USP4: variants seen among roughly 807,000 people sequenced by gnomAD.
USP4 encodes ubiquitin specific peptidase 4, also known as ubiquitin carboxyl-terminal hydrolase 4.
A neutral mutation model predicts 118.2 loss-of-function variants in USP4; 72 were observed. The ratio of observed to expected loss-of-function variants is 0.61; its 90% CI spans 0.50 to 0.74. The LOEUF (loss-of-function observed/expected upper bound fraction) is 0.74, where lower values mean the gene tolerates loss of function less well. USP4 is among the 30% of genes least tolerant of loss of function. USP4 has a pLI of 0.00. For missense variants in USP4, 1,037 were observed against 1,185.7 expected (o/e 0.87, Z 1.84); for synonymous variants, 415 against 440.4 (o/e 0.94, Z 0.72).
intron 1 of USP4, among the ~76,000 whole-genome samples, chr3:49,337,902 G>A (rs545518526): frequency 2.0e-5 from 3 of 151,564 alleles, no homozygotes; most frequent in East Asian, 2.0e-4. Flanking sequence ...AAACATTAGC[G>A]GGGCATGGTG....
intron 6 of USP4, chr3:49,317,146 T>A: frequency 7.0e-7 from 1 of 1,419,290 alleles, no homozygotes; most frequent in South Asian, 1.2e-5. Flanking sequence ...GTTCCCAGCT[T>A]CCCTCTTCAG....
Position 49,296,064 on chromosome 3 carries a change from G to C in USP4, c.1692-1466C>G, listed in dbSNP as rs541146026. Among the ~76,000 whole-genome samples the C allele has an allele frequency of 4.6e-5, 7 of 152,280 alleles. No homozygotes were observed. In the South Asian group the frequency reaches 1.4e-3, roughly 32 times the overall value. On this transcript the variant is annotated intron_variant, in intron 13 of 21. Transcript: ENST00000265560. ...TAGCAGATGCAGGCCGGGCACAGTGGCTCACACCTGTAATCCCAGCACTTT... is the reference window on the plus strand; with the variant it reads ...TAGCAGATGCAGGCCGGGCACAGTGCCTCACACCTGTAATCCCAGCACTTT...
rs1012632182 is a variant in USP4 at position 49,286,282 on chromosome 3, C to T, written c.2016G>A (p.Glu672=). The T allele has an allele frequency of 4.3e-6, 7 of 1,614,146 alleles. No individual in the cohort carries two copies. The highest frequency in any genetic ancestry group is 5.9e-6 in the Non-Finnish European group (7 of 1,180,028). The change falls in exon 16 of 22, where the codon GAG becomes GAA. Residue 672 remains glutamate (E), a synonymous_variant. Transcript: ENST00000265560. The part of the protein sequence containing the change: ...EEMEHQEEGK[E]QLSETEGSGE... ...CACTGCCTTCTGTTTCTGAAAGCTG[C>T]TCTTTGCCTTCTTCCTGATGCTCCA... is the stretch of plus-strand genomic sequence containing the variant.
chr3:49,309,335 G>A lies in USP4; in HGVS notation c.954+1285C>T, dbSNP rs376340813. Among the ~76,000 whole-genome samples the A allele has an allele frequency of 2.6e-5, 4 of 152,202 alleles. No individual in the cohort carries two copies. The South Asian group carries it at 8.3e-4, about 32-fold the overall frequency. ...ACTGTGCCCTCCTAACTTTGAAGCT[G>A]GACTTTAACTCCTTGCAGCCCATGA... is the stretch of plus-strand genomic sequence containing the variant. On this transcript the variant is annotated intron_variant, in intron 8 of 21. Transcript: ENST00000265560.
At chr3:49,284,985 AG>A in intron 16 of USP4, 66 bp from the exon 17 acceptor site, 1 of 1,259,498 alleles carries the variant, frequency 7.9e-7, no homozygotes, top group Non-Finnish European at 1.1e-6. Context: ...TCCAAGTGAC[AG>A]GAGTGAGAAG....
At position 49,312,765 on chromosome 3, in the gene USP4, G is replaced by C. The variant is rs569182308; in HGVS notation, c.696-1111C>G. On this transcript the variant is annotated intron_variant, in intron 6 of 21. Transcript: ENST00000265560. ...GCCGAGATCGTGCCACTGCACTCCA[G>C]CCTAGGTGACAGAGTGAGACTCTGT... The C allele has an allele frequency of 1.1e-3, 240 of 210,576 alleles. 3 individuals are homozygous for C. The highest frequency in any genetic ancestry group is 4.8e-3 in the African/African-American group (202 of 42,064). The allele number at this position is 210,576 out of a possible 1,614,324, so 13.0% of individuals were successfully genotyped here.
At chr3:49,330,132 C>T (rs923412695) in intron 2 of USP4, among the ~76,000 whole-genome samples, 3 of 151,856 alleles carry the variant, frequency 2.0e-5, no homozygotes, top group African/African-American at 4.8e-5. Context: ...GACTGAGCCA[C>T]TGCACTCCAG....
chr3:49,286,219 G>C lies in USP4; in HGVS notation c.2079C>G (p.Thr693=), dbSNP rs2047089480. 1 of 1,613,920 alleles carries C rather than the reference G, an allele frequency of 6.2e-7. No individual in the cohort carries two copies. Among genetic ancestry groups the C allele is most frequent in the Admixed American group, 1.7e-5 (1 of 59,966 alleles). Residue 693 remains threonine, a synonymous_variant, in exon 16 of 22, where the codon ACC becomes ACG. Transcript: ENST00000265560. ...DEPGNDPSET[T]QKKIKGQPCP... ...AGGGCTGGCCTTTGATCTTCTTTTG[G>C]GTGGTCTCACTGGGGTCATTTCCTG...
intron 2 of USP4, among the ~76,000 whole-genome samples, chr3:49,332,101 C>T (rs1341306731): frequency 4.0e-5 from 6 of 151,792 alleles, no homozygotes; most frequent in Admixed American, 3.3e-4. Flanking sequence ...GCTGAAATCC[C>T]GTCTTTACTA....
At chr3:49,288,821 G>GT (rs773465958) in intron 15 of USP4, among the ~76,000 whole-genome samples, 2 of 152,116 alleles carry the variant, frequency 1.3e-5, no homozygotes, top group Non-Finnish European at 2.9e-5. Context: ...AAAATGCTTT[G>GT]TGGTTATGCC....
At chr3:49,286,042 T>C in intron 16 of USP4, 56 bp downstream of exon 16, 1 of 1,550,060 alleles carries the variant, frequency 6.5e-7, no homozygotes, top group Non-Finnish European at 8.9e-7. Flanking sequence ...GTAAGGATTT[T>C]CAAACAGATC....
At chr3:49,322,861 AAAAAAAAAAAAG>A (rs1473328179) in intron 6 of USP4, among the ~76,000 whole-genome samples, 3 of 145,090 alleles carry the variant, frequency 2.1e-5, no homozygotes, top group Non-Finnish European at 4.6e-5. Flanking sequence ...CGTCACAGGG[AAAAAAAAAAAAG>A]AAAAAAAAAT....
chr3:49,326,111 A>G (rs2047551663), intron 3 of USP4, among the ~76,000 whole-genome samples: 1 of 152,072 alleles, frequency 6.6e-6, no homozygotes, highest in South Asian at 2.1e-4. Flanking sequence ...GAGGTCAGGA[A>G]TTTGAGACCA....
At chr3:49,292,237 G>C (rs920751264) in intron 15 of USP4, among the ~76,000 whole-genome samples, 1 of 149,946 alleles carries the variant, frequency 6.7e-6, no homozygotes, top group Admixed American at 6.7e-5. Flanking sequence ...AGTGAGCCAT[G>C]ATTGCACCAC....
Position 49,284,548 on chromosome 3 carries a change from T to G in USP4, c.2308A>C (p.Lys770Gln). The change falls in exon 18 of 22, where the codon AAG becomes CAG. Residue 770 changes from lysine (K) to glutamine (Q), a missense_variant. Physicochemically the swap from Lys to Gln is moderately conservative, Grantham distance 53 (BLOSUM62 1). Around this residue, in one of 3 missense-constraint regions of USP4, gnomAD observed 522 missense variants for 592.6 expected, o/e 0.88. Transcript: ENST00000265560. ...EKHVSMLQPQ[K>Q]KKKTTVALRD... ...AGGGCCACTGTGGTCTTCTTCTTCT[T>G]CTGAGGCTGCAACATGCTCACATGC... The G allele has an allele frequency of 6.2e-7, 1 of 1,614,066 alleles. No homozygotes were observed. Among genetic ancestry groups the G allele is most frequent in the Non-Finnish European group, 8.5e-7 (1 of 1,180,008 alleles).
intron 6 of USP4, chr3:49,318,340 T>G: frequency 1.0e-6 from 1 of 985,546 alleles, no homozygotes; most frequent in Non-Finnish European, 1.2e-6. Flanking sequence ...ACACCAACAC[T>G]GTGAACACCA....
intron 19 of USP4, among the ~76,000 whole-genome samples, chr3:49,281,328 C>T (rs553869770): frequency 2.0e-5 from 3 of 151,770 alleles, no homozygotes; most frequent in East Asian, 1.9e-4. Context: ...TGGTGGTGGG[C>T]GCCTGTAGTC....
intron 2 of USP4, among the ~76,000 whole-genome samples, chr3:49,334,161 T>C (rs1031209531): frequency 5.3e-5 from 8 of 152,210 alleles, no homozygotes; most frequent in South Asian, 4.1e-4. Flanking sequence ...AACTGACAGA[T>C]TGTCAAGGCA....
At chr3:49,328,676 A>G (rs1010860227) in intron 2 of USP4, among the ~76,000 whole-genome samples, 2 of 151,790 alleles carry the variant, frequency 1.3e-5, no homozygotes, top group African/African-American at 4.8e-5. Context: ...CCTGGCCAAC[A>G]TGGTGAAACC....
Sources: gnomAD v4.1 joint callset for allele counts (sites outside exome capture counted in the v4.1 genomes callset) on GRCh38, gnomAD v4.1.1 for gene constraint, gnomAD v4.1.1 regional missense constraint, MANE v1.5 for transcripts, NCBI Gene and HGNC (gene_info 2026-07-23, HGNC 2026-07-21) for gene names.